The following STK35 variants were observed in gnomAD, a reference collection of about 807,000 sequenced individuals.
The protein encoded by STK35 is serine/threonine-protein kinase 35.
In STK35, 17 loss-of-function variants were observed where a neutral mutation model predicts 37.3. The ratio of observed to expected loss-of-function variants is 0.46; its 90% CI spans 0.31 to 0.68. STK35 has a LOEUF of 0.68. Ranked by LOEUF, STK35 falls within the 30% of genes least tolerant of loss-of-function variation. The pLI, the probability that STK35 is intolerant of heterozygous loss-of-function variation, is 0.05. For missense variants in STK35, 595 were observed against 746.7 expected (o/e 0.80, Z 2.37); for synonymous variants, 385 against 319.1 (o/e 1.21, Z -2.20).
In STK35 at chr20:2,104,364, G is replaced by A. The variant is rs187108882; in HGVS notation, c.892+999G>A. On this transcript the variant is annotated intron_variant, in intron 2 of 3. Coordinates refer to ENST00000381482, the MANE Select transcript of STK35 (RefSeq NM_080836.4). ...GTCTCAGTGCTGAAGTAATTTTTAGGTAATAACTTCAAAAGTAAATTCTAT... is the reference window on the plus strand; with the variant it reads ...GTCTCAGTGCTGAAGTAATTTTTAGATAATAACTTCAAAAGTAAATTCTAT... Among the ~76,000 whole-genome samples, 22 of 152,304 alleles carry A rather than the reference G, an allele frequency of 1.4e-4. No homozygotes were observed. The East Asian group carries it at 2.3e-3, about 16-fold the overall frequency.
chr20:2,133,571 T>A (rs1006420151), intron 3 of STK35, among the ~76,000 whole-genome samples: 1 of 152,212 alleles, frequency 6.6e-6, no homozygotes, highest in Non-Finnish European at 1.5e-5. Context: ...AGTGCCCTAT[T>A]GCCTCTTGAC....
At chr20:2,121,264 G>A (rs984768185) in intron 3 of STK35, among the ~76,000 whole-genome samples, 3 of 152,226 alleles carry the variant, frequency 2.0e-5, no homozygotes, top group Non-Finnish European at 4.4e-5. Context: ...ATGGGAGGCT[G>A]TTGCAATAAT....
At chr20:2,140,032 A>G (rs1568582914) in intron 3 of STK35, among the ~76,000 whole-genome samples, 2 of 152,170 alleles carry the variant, frequency 1.3e-5, no homozygotes, top group African/African-American at 4.8e-5. Flanking sequence ...CTTTGGATTA[A>G]GTGCTGGTTC....
chr20:2,141,784 G>C (rs1302541486), intron 3 of STK35, among the ~76,000 whole-genome samples: 1 of 152,174 alleles, frequency 6.6e-6, no homozygotes, highest in Non-Finnish European at 1.5e-5. Flanking sequence ...ACCTACCCCA[G>C]GGAAGTGCTT....
At chr20:2,136,967 T>C (rs534880957) in intron 3 of STK35, among the ~76,000 whole-genome samples, 1 of 152,074 alleles carries the variant, frequency 6.6e-6, no homozygotes, top group East Asian at 1.9e-4. Context: ...GAGTGACAGA[T>C]AGGGGGTGGG....
At chr20:2,124,681 G>A (rs552336942) in intron 3 of STK35, among the ~76,000 whole-genome samples, 1 of 152,170 alleles carries the variant, frequency 6.6e-6, no homozygotes, top group Non-Finnish European at 1.5e-5. Context: ...GGGGTTATGA[G>A]TGAAGAGTCA....
intron 3 of STK35, among the ~76,000 whole-genome samples, chr20:2,139,013 G>C (rs1183006714): frequency 6.6e-6 from 1 of 152,192 alleles, no homozygotes; most frequent in Non-Finnish European, 1.5e-5. Context: ...GTGACAGAGT[G>C]AGACCCTGTG....
intron 3 of STK35, among the ~76,000 whole-genome samples, chr20:2,129,984 T>C (rs1985971606): frequency 1.3e-5 from 2 of 152,106 alleles, no homozygotes; most frequent in South Asian, 4.1e-4. Context: ...GGGAGTGAAT[T>C]CAAGGTGCAT....
intron 2 of STK35, among the ~76,000 whole-genome samples, chr20:2,105,528 G>A (rs1389976695): frequency 6.6e-6 from 1 of 152,202 alleles, no homozygotes; most frequent in African/African-American, 2.4e-5. Flanking sequence ...TTTGGGGTTA[G>A]ACCCTCTGGC....
chr20:2,116,595 C>T (rs1985721531), intron 2 of STK35, 71 bp from the exon 3 acceptor site: 1 of 1,482,656 alleles, frequency 6.7e-7, no homozygotes, highest in Non-Finnish European at 9.2e-7. Flanking sequence ...GAATACACTG[C>T]ATCCTTTAGT....
At chr20:2,126,192 A>C (rs1483149588) in intron 3 of STK35, among the ~76,000 whole-genome samples, 1 of 152,206 alleles carries the variant, frequency 6.6e-6, no homozygotes, top group African/African-American at 2.4e-5. Context: ...GTGTCGAAAG[A>C]TTCTGGAGCC....
chr20:2,105,837 C>T (rs530208671), intron 2 of STK35, among the ~76,000 whole-genome samples: 3 of 152,286 alleles, frequency 2.0e-5, no homozygotes, highest in African/African-American at 7.2e-5. Context: ...GTCAGGCACA[C>T]CAAGTTGACA....
At chr20:2,131,894 C>T (rs1986007270) in intron 3 of STK35, among the ~76,000 whole-genome samples, 1 of 152,144 alleles carries the variant, frequency 6.6e-6, no homozygotes, top group Admixed American at 6.5e-5. Context: ...CTTCTTTCTT[C>T]ATATCCTTAT....
At chr20:2,123,010 A>T (rs894534821) in intron 3 of STK35, among the ~76,000 whole-genome samples, 4 of 152,204 alleles carry the variant, frequency 2.6e-5, no homozygotes, top group African/African-American at 9.7e-5. Context: ...AGCTAGCCAC[A>T]GCCTTTTATC....
chr20:2,136,816 C>T (rs4814983), intron 3 of STK35, among the ~76,000 whole-genome samples: 24,308 of 152,182 alleles, frequency 0.16, 1,986 homozygotes, highest in Non-Finnish European at 0.18. Context: ...TTGGAGCACA[C>T]GACAAGGCTA....
rs920693164 is a variant in STK35 at position 2,146,579 on chromosome 20, A to G, written c.*2833A>G. The G allele has an allele frequency of 6.6e-6, 1 of 152,574 alleles. No homozygotes were observed. The allele number at this position is 152,574 out of a possible 1,614,324, so 9.5% of individuals were successfully genotyped here. A position where few individuals can be genotyped will look rare whatever the true frequency, so the allele number is the denominator to read the frequency against. ...AGGACAGATCGTAGTGCCTTATTCCATTGTCCTCCCCTGGCCAGGCCTCCT... is the reference window on the plus strand; with the variant it reads ...AGGACAGATCGTAGTGCCTTATTCCGTTGTCCTCCCCTGGCCAGGCCTCCT... On this transcript the variant is annotated 3_prime_UTR_variant, in exon 4 of 4. Transcript: ENST00000381482.
chr20:2,102,287 C>T, intron 1 of STK35, 112 bp downstream of exon 1: 2 of 1,333,110 alleles, frequency 1.5e-6, no homozygotes, highest in Non-Finnish European at 1.9e-6. Context: ...TCCGAGAAGC[C>T]GAACTTTTCA....
chr20:2,142,069 A>G (rs1265760226), intron 3 of STK35, among the ~76,000 whole-genome samples: 1 of 152,204 alleles, frequency 6.6e-6, no homozygotes, highest in Non-Finnish European at 1.5e-5. Context: ...CCCCTCCTCC[A>G]GCAGTGTGCG....
chr20:2,129,295 T>G (rs1985958622), intron 3 of STK35, among the ~76,000 whole-genome samples: 1 of 152,068 alleles, frequency 6.6e-6, no homozygotes, highest in Non-Finnish European at 1.5e-5. Context: ...CGAGTCTGCC[T>G]TCGTAAAGGG....
Sources: allele counts gnomAD v4.1 joint callset (sites outside exome capture counted in the v4.1 genomes callset), GRCh38; gene constraint gnomAD v4.1.1; transcripts MANE v1.5; gene names NCBI Gene and HGNC (gene_info 2026-07-23, HGNC 2026-07-21).